The following ZNF506 variants were observed in gnomAD, a reference collection of about 807,000 sequenced individuals.
The protein encoded by ZNF506 is zinc finger protein 506.
A neutral mutation model predicts 11.6 loss-of-function variants in ZNF506; 10 were observed. That is an observed-to-expected ratio of 0.86 (90% CI 0.53 to 1.46). The LOEUF is 1.46. Ranked by LOEUF, ZNF506 falls within the 40% of genes most tolerant of loss-of-function variation. The pLI is 0.00. For missense variants in ZNF506, 425 were observed against 521.2 expected, an observed-to-expected ratio of 0.82 and a Z score of 1.80; for synonymous variants, 156 against 173.3, an observed-to-expected ratio of 0.90 and a Z score of 0.78.
At chr19:19,803,527 T>A (rs2062811473) in intron 3 of ZNF506, among the ~76,000 whole-genome samples, 1 of 152,078 alleles carries the variant, frequency 6.6e-6, no homozygotes, top group African/African-American at 2.4e-5. Flanking sequence ...TGGAGCAAAG[T>A]CCTGAAGGAT....
At chr19:19,814,053 A>G (rs2062907034) in intron 1 of ZNF506, among the ~76,000 whole-genome samples, 1 of 151,010 alleles carries the variant, frequency 6.6e-6, no homozygotes, top group Admixed American at 6.6e-5. Flanking sequence ...TGTGGCCACT[A>G]AAAAAAAAGA....
chr19:19,799,565 AT>A, intron 3 of ZNF506: 1 of 500,478 alleles, frequency 2.0e-6, no homozygotes, highest in Non-Finnish European at 3.5e-6. Flanking sequence ...TAATTGATAA[AT>A]TTTCAAATAT....
At chr19:19,819,987 C>T (rs758344492) in intron 1 of ZNF506, among the ~76,000 whole-genome samples, 7 of 151,872 alleles carry the variant, frequency 4.6e-5, no homozygotes, top group Non-Finnish European at 1.0e-4. Context: ...CTCCCAGCTA[C>T]TCAGGAGGCT....
intron 1 of ZNF506, among the ~76,000 whole-genome samples, chr19:19,820,003 A>C (rs927181653): frequency 5.3e-5 from 8 of 151,754 alleles, no homozygotes; most frequent in African/African-American, 1.9e-4. Flanking sequence ...AGGCTGAGGC[A>C]GGAGAATCGC....
At chr19:19,807,112 T>G in intron 1 of ZNF506, 44 bp from the exon 2 acceptor site, 1 of 1,608,962 alleles carries the variant, frequency 6.2e-7, no homozygotes, top group South Asian at 1.1e-5. Flanking sequence ...TGGCCATGGG[T>G]GGAATTTTTA....
intron 1 of ZNF506, among the ~76,000 whole-genome samples, chr19:19,807,342 T>C (rs758173709): frequency 2.6e-5 from 4 of 152,226 alleles, no homozygotes; most frequent in Admixed American, 1.3e-4. Context: ...CATGTACATT[T>C]TTGAGTGGTA....
intron 3 of ZNF506, among the ~76,000 whole-genome samples, chr19:19,802,160 G>A (rs924879294): frequency 6.9e-6 from 1 of 145,634 alleles, no homozygotes; most frequent in Non-Finnish European, 1.5e-5. Context: ...AGCCAAGATC[G>A]CACCACTGCA....
At chr19:19,808,338 T>A (rs959736140) in intron 1 of ZNF506, among the ~76,000 whole-genome samples, 2 of 149,168 alleles carry the variant, frequency 1.3e-5, no homozygotes, top group Non-Finnish European at 3.0e-5. Context: ...TTAGCCAGGA[T>A]GGTCTCGATT....
intron 3 of ZNF506, among the ~76,000 whole-genome samples, chr19:19,804,072 A>G (rs944230082): frequency 6.6e-6 from 1 of 152,240 alleles, no homozygotes; most frequent in African/African-American, 2.4e-5. Context: ...AACAAAAGCC[A>G]AAATAGACAA....
rs1344322464 is a variant in ZNF506 at position 19,795,317 on chromosome 19, T to C, written c.570A>G (p.Thr190=). 7 of 1,613,812 alleles carry C rather than the reference T, an allele frequency of 4.3e-6. No homozygotes were observed. Among genetic ancestry groups the C allele is most frequent in the African/African-American group, 1.3e-5 (1 of 74,926 alleles). ...TCTCTCCAGCATCAATTTTCTTATA[T>C]GTAGTACGGGTTGAAGACTGGTTAA... is the stretch of plus-strand genomic sequence containing the variant. ...KTFNQSSTRT[T]YKKIDAGEKR... Residue 190 remains threonine, a synonymous_variant, in exon 4 of 4, where the codon ACA becomes ACG. Transcript: ENST00000540806.
chr19:19,805,260 A>G (rs1225648467), intron 3 of ZNF506, among the ~76,000 whole-genome samples: 1 of 152,130 alleles, frequency 6.6e-6, no homozygotes, highest in Non-Finnish European at 1.5e-5. Flanking sequence ...ATTTCTGAGG[A>G]AAAAATTAAC....
rs1352793331 is a variant in ZNF506, at chr19:19,794,701, G to A, written c.1186C>T (p.Pro396Ser). Residue 396 changes from proline to serine, a missense_variant, in exon 4 of 4, where the codon CCG (proline) becomes TCG (serine). Around this residue, in one of 3 missense-constraint regions of ZNF506, gnomAD observed 192 missense variants for 215.7 expected, o/e 0.89. Coordinates refer to ENST00000540806, the MANE Select transcript of ZNF506 (RefSeq NM_001099269.3). ...EHKIIHTGEK[P>S]YKCEECGKAF... ...TTGCCACATTCTTCACATTTGTACG[G>A]TTTCTCTCCAGTATGAATTATCTTA... 6.2e-7 allele frequency: 1 copy of A among 1,613,852 alleles called. No homozygotes were observed. The highest frequency in any genetic ancestry group is 8.5e-7 in the Non-Finnish European group (1 of 1,179,994).
Position 19,795,211 on chromosome 19 carries a change from C to T in ZNF506, c.676G>A (p.Glu226Lys). ...CATTCTTCACATTTGTAGGGTTTCT[C>T]TCCAGTATGAATTTTCTTATGTGTA... ...LTTHKKIHTG[E>K]KPYKCEECGK... Residue 226 changes from glutamate to lysine, a missense_variant, in exon 4 of 4, where the codon GAG becomes AAG. Glu to Lys is a moderately conservative substitution (Grantham distance 56, BLOSUM62 1). This residue lies in a region of ZNF506 where 226 missense variants were observed against 279.1 expected (regional missense o/e 0.81). Transcript: ENST00000540806. The T allele has an allele frequency of 6.2e-7, 1 of 1,613,882 alleles. No individual in the cohort carries two copies. Among genetic ancestry groups the T allele is most frequent in the Non-Finnish European group, 8.5e-7 (1 of 1,179,952 alleles).
rs1599503265 is a variant in ZNF506, at chr19:19,793,790, A to G, written c.*762T>C. ...TGTAAGCACTCAAAAGTTTTGCCAC[A>G]TTCTTCACACTTGTAGGAGTTTTGG... On this transcript the variant is annotated 3_prime_UTR_variant, in exon 4 of 4. Transcript: ENST00000540806. 6.6e-6 allele frequency: 1 copy of G among 152,258 alleles called. No homozygotes were observed. The highest frequency in any genetic ancestry group is 2.4e-5 in the African/African-American group (1 of 41,466). The allele number at this position is 152,258 out of a possible 1,614,324, so 9.4% of individuals were successfully genotyped here.
At chr19:19,821,509 T>C (rs2062966865) in intron 1 of ZNF506, 92 bp downstream of exon 1, 1 of 1,554,986 alleles carries the variant, frequency 6.4e-7, no homozygotes. Flanking sequence ...CCGGGAGGCC[T>C]GAGTTCTGCC....
intron 3 of ZNF506, among the ~76,000 whole-genome samples, chr19:19,802,368 T>C (rs1568475265): frequency 6.6e-6 from 1 of 152,200 alleles, no homozygotes; most frequent in African/African-American, 2.4e-5. Context: ...GAGAAATTTT[T>C]AATAAATAAC....
At chr19:19,809,958 G>A (rs544934013) in intron 1 of ZNF506, among the ~76,000 whole-genome samples, 36 of 152,266 alleles carry the variant, frequency 2.4e-4, no homozygotes, top group African/African-American at 1.9e-4. Flanking sequence ...GCTGTGGGGA[G>A]GGCACAAGAG....
chr19:19,799,886 AAT>A (rs2062775847), intron 3 of ZNF506, among the ~76,000 whole-genome samples: 2 of 152,048 alleles, frequency 1.3e-5, no homozygotes, highest in Non-Finnish European at 2.9e-5. Context: ...AAAAAAAAAA[AAT>A]GTTGGAGGCA....
At chr19:19,797,623 T>C (rs2062754323) in intron 3 of ZNF506, 1 of 151,950 alleles carries the variant, frequency 6.6e-6, no homozygotes, top group South Asian at 2.1e-4. Context: ...AAAAATTGTG[T>C]AAATAGGGCA....
Sources: gnomAD v4.1 joint callset for allele counts (sites outside exome capture counted in the v4.1 genomes callset) on GRCh38, gnomAD v4.1.1 for gene constraint, gnomAD v4.1.1 regional missense constraint, MANE v1.5 for transcripts, NCBI Gene and HGNC (gene_info 2026-07-23, HGNC 2026-07-21) for gene names.